Variants in GCA observed in about 807,000 individuals in gnomAD.
The protein encoded by GCA is grancalcin, EF-hand calcium-binding protein.
GCA carries 30 observed loss-of-function variants against 32.6 expected under a neutral mutation model. That is an observed-to-expected ratio of 0.92 (90% CI 0.69 to 1.25). The LOEUF (loss-of-function observed/expected upper bound fraction) is 1.25, where lower values mean the gene tolerates loss of function less well. GCA is among the 50% of genes most tolerant of loss of function. The pLI is 0.00. For synonymous variants in GCA, 102 were observed against 84.6 expected (o/e 1.21, Z -1.13); for missense variants, 291 against 266.8 (o/e 1.09, Z -0.63).
intron 1 of GCA, among the ~76,000 whole-genome samples, chr2:162,332,199 C>T (rs4664467): frequency 0.034 from 5,087 of 151,022 alleles, 426 homozygotes; most frequent in Admixed American, 0.21. Flanking sequence ...GTCCCAGCTA[C>T]TCGGGAGGCT....
chr2:162,349,442 ACTT>A (rs1236099390), intron 2 of GCA, among the ~76,000 whole-genome samples: 4 of 152,118 alleles, frequency 2.6e-5, no homozygotes, highest in African/African-American at 7.2e-5. Flanking sequence ...TGTCTACAAA[ACTT>A]CTTAGAAGAG....
At chr2:162,356,972 T>G in intron 5 of GCA, 67 bp downstream of exon 5, 1 of 1,101,626 alleles carries the variant, frequency 9.1e-7, no homozygotes, top group Non-Finnish European at 1.3e-6. Context: ...ATGAACTTAA[T>G]TGCTTCAATT....
At chr2:162,325,506 C>G (rs990324916) in intron 1 of GCA, among the ~76,000 whole-genome samples, 2 of 152,124 alleles carry the variant, frequency 1.3e-5, no homozygotes, top group Non-Finnish European at 2.9e-5. Context: ...TTTATCAAGG[C>G]CTCTCCAGGA....
chr2:162,339,904 G>A (rs534213068), upstream of GCA, among the ~76,000 whole-genome samples: 69 of 152,238 alleles, frequency 4.5e-4, no homozygotes, highest in South Asian at 6.0e-3. Context: ...CACTGTGTAC[G>A]TACTTTCTTA....
chr2:162,324,970 G>A (rs750950863), intron 1 of GCA, among the ~76,000 whole-genome samples: 18 of 151,832 alleles, frequency 1.2e-4, no homozygotes, highest in Admixed American at 4.6e-4. Context: ...CTGACCATTT[G>A]GAGTTTGATG....
At chr2:162,328,279 C>T (rs1683960524) in intron 1 of GCA, among the ~76,000 whole-genome samples, 1 of 150,748 alleles carries the variant, frequency 6.6e-6, no homozygotes, top group Admixed American at 6.6e-5. Context: ...GTAATCACAG[C>T]TACTCGGGAG....
At position 162,346,985 on chromosome 2, in the gene GCA, C is replaced by A. The variant is rs551061698; in HGVS notation, c.28-593C>A. On this transcript the variant is annotated intron_variant, in intron 1 of 7. Coordinates refer to ENST00000437150, the MANE Select transcript of GCA (RefSeq NM_012198.5). ...GCCAGCATACAGAACTCTATGTCATCCCTCAGGATACTACCAGAACCACAG... is the reference window on the plus strand; with the variant it reads ...GCCAGCATACAGAACTCTATGTCATACCTCAGGATACTACCAGAACCACAG... Among the ~76,000 whole-genome samples the A allele has an allele frequency of 2.6e-5, 4 of 152,316 alleles. No individual in the cohort carries two copies. In the South Asian group the frequency reaches 8.3e-4, roughly 32 times the overall value.
chr2:162,346,862 C>T (rs1046427036), intron 1 of GCA, among the ~76,000 whole-genome samples: 1 of 152,096 alleles, frequency 6.6e-6, no homozygotes, highest in African/African-American at 2.4e-5. Flanking sequence ...TTTGTTATGG[C>T]TTTAGTTAAA....
downstream of GCA, among the ~76,000 whole-genome samples, chr2:162,363,144 G>A (rs1031876095): frequency 2.0e-5 from 3 of 151,140 alleles, no homozygotes; most frequent in Non-Finnish European, 4.4e-5. Flanking sequence ...GTCTTTTTAC[G>A]TTTGACAAAC....
intron 2 of GCA, among the ~76,000 whole-genome samples, chr2:162,351,285 A>G (rs1162014606): frequency 1.3e-5 from 2 of 152,210 alleles, no homozygotes; most frequent in African/African-American, 4.8e-5. Flanking sequence ...TATTATAGAT[A>G]AGTAAGTGGA....
chr2:162,351,627 T>C (rs572598699), intron 2 of GCA, among the ~76,000 whole-genome samples: 1 of 152,266 alleles, frequency 6.6e-6, no homozygotes, highest in South Asian at 2.1e-4. Flanking sequence ...TTATGAAGAG[T>C]AGGTTTTAAA....
intron 2 of GCA, among the ~76,000 whole-genome samples, chr2:162,352,036 CT>C (rs1685026580): frequency 6.6e-6 from 1 of 152,096 alleles, no homozygotes; most frequent in East Asian, 1.9e-4. Context: ...ATTTTTCTAA[CT>C]GTTTAACTGT....
chr2:162,365,535 T>A (rs1001583083), downstream of GCA, among the ~76,000 whole-genome samples: 3 of 151,680 alleles, frequency 2.0e-5, no homozygotes, highest in African/African-American at 7.2e-5. Flanking sequence ...TTTGGTAGAT[T>A]GTTTCATTTT....
Position 162,362,938 on chromosome 2 carries a change from A to G in GCA, c.*2695A>G, listed in dbSNP as rs1241746849. On this transcript the variant is annotated 3_prime_UTR_variant, in exon 8 of 8. Transcript: ENST00000437150. Reference sequence around the variant, plus strand: ...TGTAGTCAAGTTATGTTTATTTCCAAAAAAGGCATTTACCCTAGAAGAAAG... The same window carrying G: ...TGTAGTCAAGTTATGTTTATTTCCAGAAAAGGCATTTACCCTAGAAGAAAG... 6.6e-6 allele frequency among the ~76,000 whole-genome samples: 1 copy of G among 151,390 alleles called. No homozygotes were observed. Among genetic ancestry groups the G allele is most frequent in the African/African-American group, 2.4e-5 (1 of 41,356 alleles).
chr2:162,350,970 T>C (rs3788964), intron 2 of GCA, among the ~76,000 whole-genome samples: 19,551 of 152,172 alleles, frequency 0.13, 1,758 homozygotes, highest in South Asian at 0.32. Flanking sequence ...TTAGGTATAC[T>C]GCTCCTGGAA....
intron 2 of GCA, among the ~76,000 whole-genome samples, chr2:162,348,751 A>G (rs981644359): frequency 2.0e-5 from 3 of 152,126 alleles, no homozygotes; most frequent in African/African-American, 7.2e-5. Flanking sequence ...ACACCATACC[A>G]CAGTTTATTC....
At chr2:162,341,958 G>A (rs1187474505), upstream of GCA, among the ~76,000 whole-genome samples, 4 of 151,992 alleles carry the variant, frequency 2.6e-5, no homozygotes, top group Non-Finnish European at 5.9e-5. Context: ...CTAGTACGTC[G>A]TATTCACTCT....
chr2:162,351,496 T>G (rs1430708658), intron 2 of GCA, among the ~76,000 whole-genome samples: 3 of 152,232 alleles, frequency 2.0e-5, no homozygotes, highest in Non-Finnish European at 2.9e-5. Flanking sequence ...GTAATTTCTA[T>G]TAGAACAGCT....
intron 1 of GCA, among the ~76,000 whole-genome samples, chr2:162,325,619 C>G (rs139267406): frequency 6.6e-6 from 1 of 152,240 alleles, no homozygotes; most frequent in East Asian, 1.9e-4. Context: ...ACTGGGATCC[C>G]ATTTAGGGTC....
Sources: allele counts gnomAD v4.1 joint callset (sites outside exome capture counted in the v4.1 genomes callset), GRCh38; gene constraint gnomAD v4.1.1; transcripts MANE v1.5; gene names NCBI Gene and HGNC (gene_info 2026-07-23, HGNC 2026-07-21).